C13orf46: variants seen among roughly 807,000 people sequenced by gnomAD.
C13orf46 encodes uncharacterized protein C13orf46.
At chr13:113,936,674 A>AG in the C13orf46 span, among the ~76,000 whole-genome samples, 1 of 151,722 alleles carries the variant, frequency 6.6e-6, no homozygotes, top group South Asian at 2.1e-4. Flanking sequence ...AGGCTAGTTT[A>AG]GGGGAAGAGA....
the C13orf46 span, chr13:113,927,978 G>A: frequency 4.5e-6 from 1 of 222,458 alleles, no homozygotes; most frequent in Non-Finnish European, 8.8e-6. Context: ...AGAGAGGAAT[G>A]CTGCCGATCC....
intron 1 of C13orf46, among the ~76,000 whole-genome samples, chr13:113,971,823 C>T (rs2052709174): frequency 6.6e-6 from 1 of 152,258 alleles, no homozygotes; most frequent in South Asian, 2.1e-4. Context: ...CAGTGGTCAG[C>T]AAGGCCCGGC....
chr13:113,929,208 C>T, the C13orf46 span, among the ~76,000 whole-genome samples: 1 of 152,374 alleles, frequency 6.6e-6, no homozygotes, highest in East Asian at 1.9e-4. Context: ...CCTACTCTCC[C>T]TGAGCTGATG....
At chr13:113,962,267 G>A (rs1015327907) in intron 6 of C13orf46, among the ~76,000 whole-genome samples, 8 of 152,142 alleles carry the variant, frequency 5.3e-5, no homozygotes, top group African/African-American at 7.2e-5. Flanking sequence ...CTAGCTGGGC[G>A]TGGTGGTGGG....
intron 2 of C13orf46, among the ~76,000 whole-genome samples, chr13:113,969,921 C>A (rs913713817): frequency 6.6e-6 from 1 of 152,158 alleles, no homozygotes; most frequent in South Asian, 2.1e-4. Context: ...GGGCCCGAGT[C>A]CTGAGGACAC....
the C13orf46 span, among the ~76,000 whole-genome samples, chr13:113,945,622 A>G: frequency 8.2e-6 from 1 of 122,216 alleles, no homozygotes; most frequent in Non-Finnish European, 1.8e-5. Context: ...GAAAGAAAGA[A>G]AGAAAGAAAG....
At chr13:113,963,075 A>G (rs939813121) in intron 6 of C13orf46, among the ~76,000 whole-genome samples, 8 of 152,218 alleles carry the variant, frequency 5.3e-5, no homozygotes, top group Non-Finnish European at 1.2e-4. Context: ...CCGTCAGCAA[A>G]GCCAGACCAG....
downstream of C13orf46, among the ~76,000 whole-genome samples, chr13:113,951,298 G>A (rs2052487756): frequency 6.6e-6 from 1 of 152,216 alleles, no homozygotes; most frequent in South Asian, 2.1e-4. Flanking sequence ...GGCCCCCACG[G>A]GGTGGTGCTG....
intron 1 of C13orf46, among the ~76,000 whole-genome samples, chr13:113,971,949 G>C (rs2052710561): frequency 1.3e-5 from 2 of 152,178 alleles, no homozygotes; most frequent in Admixed American, 6.5e-5. Context: ...CCGTGGTCTC[G>C]AACCCTGAGG....
downstream of C13orf46, among the ~76,000 whole-genome samples, chr13:113,948,891 G>T (rs2052479312): frequency 6.6e-6 from 1 of 152,212 alleles, no homozygotes; most frequent in African/African-American, 2.4e-5. Flanking sequence ...CCTGATAGGG[G>T]TGTCTGATTT....
chr13:113,946,454 C>T, the C13orf46 span, among the ~76,000 whole-genome samples: 27 of 152,240 alleles, frequency 1.8e-4, no homozygotes, highest in African/African-American at 6.5e-4. Context: ...GCCACACACA[C>T]ACTTGACACA....
intron 6 of C13orf46, among the ~76,000 whole-genome samples, chr13:113,963,017 T>C (rs1393270619): frequency 6.6e-6 from 1 of 152,114 alleles, no homozygotes; most frequent in Non-Finnish European, 1.5e-5. Flanking sequence ...GACATAAAAA[T>C]CTGAGAGCAG....
chr13:113,948,194 G>A, the C13orf46 span, among the ~76,000 whole-genome samples: 2,376 of 152,298 alleles, frequency 0.016, 27 homozygotes, highest in Middle Eastern at 0.034. Context: ...CAGCATGAAA[G>A]GAACCAGCCC....
chr13:113,941,806 C>T, the C13orf46 span, among the ~76,000 whole-genome samples: 6 of 152,206 alleles, frequency 3.9e-5, no homozygotes, highest in Admixed American at 1.3e-4. Context: ...ACCTGCCCAG[C>T]GCCCTGGACG....
chr13:113,958,740 C>T (rs2052563003), intron 6 of C13orf46, among the ~76,000 whole-genome samples: 5 of 152,180 alleles, frequency 3.3e-5, no homozygotes, highest in Non-Finnish European at 4.4e-5. Context: ...AATTGGCAAT[C>T]ATCGTGCCCA....
chr13:113,966,533 T>C (rs1200771718), intron 5 of C13orf46, among the ~76,000 whole-genome samples: 1 of 151,010 alleles, frequency 6.6e-6, no homozygotes, highest in African/African-American at 2.4e-5. Context: ...AAGGTGATGA[T>C]GGTAATAATG....
chr13:113,945,117 C>T, the C13orf46 span, among the ~76,000 whole-genome samples: 11 of 147,474 alleles, frequency 7.5e-5, no homozygotes, highest in South Asian at 2.2e-4. Flanking sequence ...TGCAGGTGTG[C>T]GAAGGACCCT....
At chr13:113,942,360 C>T in the C13orf46 span, among the ~76,000 whole-genome samples, 3 of 152,334 alleles carry the variant, frequency 2.0e-5, no homozygotes, top group African/African-American at 4.8e-5. Flanking sequence ...GAACTGATTG[C>T]TGCTGACAAG....
the C13orf46 span, among the ~76,000 whole-genome samples, chr13:113,931,543 G>A: frequency 6.6e-6 from 1 of 152,166 alleles, no homozygotes; most frequent in Non-Finnish European, 1.5e-5. Flanking sequence ...CGGCACCTGC[G>A]GGTGACAGGG....
Sources: gnomAD v4.1 joint callset for allele counts (sites outside exome capture counted in the v4.1 genomes callset) on GRCh38, gnomAD v4.1.1 for gene constraint, MANE v1.5 for transcripts, NCBI Gene and HGNC (gene_info 2026-07-23, HGNC 2026-07-21) for gene names.